XKR4: variants seen among roughly 807,000 people sequenced by gnomAD.
The protein encoded by XKR4 is XK-related protein 4.
XKR4 carries 12 observed loss-of-function variants against 53.9 expected under a neutral mutation model. That is an observed-to-expected ratio of 0.22 (90% confidence interval 0.14 to 0.36). The LOEUF (loss-of-function observed/expected upper bound fraction) is 0.36, where lower values mean the gene tolerates loss of function less well. Ranked by LOEUF, XKR4 falls within the 10% of genes least tolerant of loss-of-function variation. XKR4 has a pLI of 1.00. For missense variants in XKR4, 799 were observed against 859.5 expected, an observed-to-expected ratio of 0.93 and a Z score of 0.88; for synonymous variants, 354 against 362.4, an observed-to-expected ratio of 0.98 and a Z score of 0.26.
intron 1 of XKR4, among the ~76,000 whole-genome samples, chr8:55,133,881 A>G (rs1816589250): frequency 6.6e-6 from 1 of 152,204 alleles, no homozygotes; most frequent in African/African-American, 2.4e-5. Flanking sequence ...CATTCTGGGA[A>G]ATACAGCAAA....
chr8:55,472,317 T>A (rs566704306), intron 2 of XKR4, among the ~76,000 whole-genome samples: 1 of 152,186 alleles, frequency 6.6e-6, no homozygotes, highest in Non-Finnish European at 1.5e-5. Context: ...TTAGATACAA[T>A]TCTCCACATG....
chr8:55,176,705 G>C (rs1817240126), intron 1 of XKR4, among the ~76,000 whole-genome samples: 1 of 151,894 alleles, frequency 6.6e-6, no homozygotes, highest in Non-Finnish European at 1.5e-5. Context: ...ATTCCTCATG[G>C]TACACCTTGG....
intron 2 of XKR4, among the ~76,000 whole-genome samples, chr8:55,410,430 A>C (rs1285105632): frequency 6.6e-6 from 1 of 152,190 alleles, no homozygotes; most frequent in East Asian, 1.9e-4. Flanking sequence ...CACATGTACA[A>C]GAACTAAGTC....
chr8:55,174,704 TG>T, intron 1 of XKR4, among the ~76,000 whole-genome samples: 1 of 152,256 alleles, frequency 6.6e-6, no homozygotes, highest in South Asian at 2.1e-4. Flanking sequence ...ACTTTTTGGG[TG>T]GTTGAAGTAG....
intron 2 of XKR4, among the ~76,000 whole-genome samples, chr8:55,425,157 A>G (rs1329632915): frequency 2.6e-5 from 4 of 152,176 alleles, no homozygotes. Flanking sequence ...ATGGTCTTAC[A>G]ACCTAGTGGC....
At chr8:55,249,461 G>A (rs1343635579) in intron 1 of XKR4, among the ~76,000 whole-genome samples, 2 of 152,174 alleles carry the variant, frequency 1.3e-5, no homozygotes, top group Non-Finnish European at 2.9e-5. Flanking sequence ...CAGTTCTCAT[G>A]ATCGACCCTG....
intron 1 of XKR4, among the ~76,000 whole-genome samples, chr8:55,271,637 G>C (rs528844449): frequency 6.6e-6 from 1 of 152,374 alleles, no homozygotes; most frequent in South Asian, 2.1e-4. Flanking sequence ...GGTGTGCCCT[G>C]ATGGCGGCTG....
intron 1 of XKR4, among the ~76,000 whole-genome samples, chr8:55,332,775 A>C (rs1803399702): frequency 6.6e-6 from 1 of 151,878 alleles, no homozygotes; most frequent in East Asian, 1.9e-4. Flanking sequence ...GAAATTCAGG[A>C]AGTTTTTGGC....
At chr8:55,453,545 G>T (rs975212499) in intron 2 of XKR4, 5 of 378,496 alleles carry the variant, frequency 1.3e-5, no homozygotes, top group Non-Finnish European at 2.6e-5. Context: ...CAGTAGGGCA[G>T]TCATGCGGGG....
At chr8:55,180,532 G>C (rs946167912) in intron 1 of XKR4, among the ~76,000 whole-genome samples, 1 of 152,004 alleles carries the variant, frequency 6.6e-6, no homozygotes, top group Non-Finnish European at 1.5e-5. Context: ...ACAAAAATAC[G>C]TATTCTTTTT....
chr8:55,164,534 A>G lies in XKR4; in HGVS notation c.806+61240A>G, dbSNP rs1050722196. ...GCTGGTACTCAGAAAATGTTTAGGA[A>G]CTTCTTTTTACATTGAGGGTAGTGC... On this transcript the variant is annotated intron_variant, in intron 1 of 2. Transcript: ENST00000327381. The G allele has an allele frequency of 6.9e-6, 3 of 436,468 alleles. No individual in the cohort carries two copies. The East Asian group carries it at 2.2e-4, about 31-fold the overall frequency. 27.0% of individuals were successfully genotyped at this position (436,468 alleles called of 1,614,324 possible).
intron 2 of XKR4, chr8:55,449,476 T>C: frequency 9.7e-7 from 1 of 1,032,798 alleles, no homozygotes; most frequent in Non-Finnish European, 1.5e-6. Flanking sequence ...CGGTAACGAC[T>C]GGAAGCAGAG....
intron 2 of XKR4, among the ~76,000 whole-genome samples, chr8:55,491,110 C>A (rs889984458): frequency 6.6e-6 from 1 of 152,228 alleles, no homozygotes; most frequent in East Asian, 1.9e-4. Context: ...GTCTAATATT[C>A]TGTTCTTCCA....
chr8:55,291,034 A>G (rs1001535873), intron 1 of XKR4, among the ~76,000 whole-genome samples: 2 of 152,198 alleles, frequency 1.3e-5, no homozygotes, highest in African/African-American at 4.8e-5. Flanking sequence ...TTGTAAATTA[A>G]CTTGTATATA....
chr8:55,243,647 T>C (rs1480168454), intron 1 of XKR4, among the ~76,000 whole-genome samples: 2 of 152,212 alleles, frequency 1.3e-5, no homozygotes, highest in Non-Finnish European at 2.9e-5. Flanking sequence ...ACTACCAAAC[T>C]ATCTTCCAAA....
intron 2 of XKR4, among the ~76,000 whole-genome samples, chr8:55,383,103 C>T (rs1315040890): frequency 6.6e-6 from 1 of 152,136 alleles, no homozygotes; most frequent in Middle Eastern, 3.2e-3. Flanking sequence ...ATCCCAGCTA[C>T]TCAGAAGGCT....
intron 1 of XKR4, among the ~76,000 whole-genome samples, chr8:55,322,798 T>C (rs187767548): frequency 6.6e-6 from 1 of 152,326 alleles, no homozygotes; most frequent in East Asian, 1.9e-4. Flanking sequence ...CTGTCATTTA[T>C]CTTCTATTCT....
chr8:55,454,904 GCAGCA>G, intron 2 of XKR4: 5 of 768,652 alleles, frequency 6.5e-6, no homozygotes, highest in Non-Finnish European at 9.6e-6. Flanking sequence ...AGAAGGTCAA[GCAGCA>G]CAGTAGTGGC....
chr8:55,467,826 T>C (rs1428930634), intron 2 of XKR4, among the ~76,000 whole-genome samples: 1 of 152,166 alleles, frequency 6.6e-6, no homozygotes, highest in East Asian at 1.9e-4. Context: ...TGTGGTTGTT[T>C]TCCTCTAAGG....
Sources: gnomAD v4.1 joint callset for allele counts (sites outside exome capture counted in the v4.1 genomes callset) on GRCh38, gnomAD v4.1.1 for gene constraint, MANE v1.5 for transcripts, NCBI Gene and HGNC (gene_info 2026-07-23, HGNC 2026-07-21) for gene names.